FOCAD: variants seen among roughly 807,000 people sequenced by gnomAD.
FOCAD encodes KIAA1797.
In FOCAD, 198 loss-of-function variants were observed where a neutral mutation model predicts 225.6. The ratio of observed to expected loss-of-function variants is 0.88; its 90% CI spans 0.78 to 0.99. The LOEUF is 0.99. Ranked by LOEUF, FOCAD falls within the 50% of genes least tolerant of loss-of-function variation. The pLI is 0.00. For synonymous variants in FOCAD, 897 were observed against 755.0 expected (o/e 1.19, Z -3.08); for missense variants, 2,713 against 2,123.6 (o/e 1.28, Z -5.46).
In FOCAD at chr9:20,885,217, C is replaced by T. The variant is rs187654100; in HGVS notation, c.2612C>T (p.Ala871Val). Residue 871 changes from alanine to valine, a missense_variant, in exon 21 of 44, where the codon GCT becomes GTT. Physicochemically the swap from Ala to Val is moderately conservative, Grantham distance 64 (BLOSUM62 0). Transcript: ENST00000338382. ...RGRSFKQTSL[A>V]LVHEVHIQLS... ...CGAAGTTTCAAGCAGACTTCACTTG[C>T]TCTTGTACATGAGGTAGGTTCCCGT... 274 of 1,520,524 alleles carry T rather than the reference C, an allele frequency of 1.8e-4. 1 individual carries two copies. The highest frequency in any genetic ancestry group is 1.4e-3 in the Middle Eastern group (8 of 5,714). 94.2% of individuals were successfully genotyped at this position (1,520,524 alleles called of 1,614,324 possible). A position where few individuals can be genotyped will look rare whatever the true frequency, so the allele number is the denominator to read the frequency against.
At chr9:20,760,324 A>G (rs932615756) in intron 6 of FOCAD, among the ~76,000 whole-genome samples, 1 of 152,250 alleles carries the variant, frequency 6.6e-6, no homozygotes, top group African/African-American at 2.4e-5. Context: ...GAAAACAAAA[A>G]GGATTGGTTT....
chr9:20,765,453 A>G (rs1375781821), intron 7 of FOCAD, among the ~76,000 whole-genome samples: 1 of 151,822 alleles, frequency 6.6e-6, no homozygotes, highest in Non-Finnish European at 1.5e-5. Flanking sequence ...AAAAAAAAAG[A>G]TGTGTCTCAG....
chr9:20,756,047 T>G (rs1183556269), intron 5 of FOCAD, among the ~76,000 whole-genome samples: 8 of 152,174 alleles, frequency 5.3e-5, no homozygotes, highest in Non-Finnish European at 1.5e-5. Flanking sequence ...GCTTTTAGAA[T>G]TTGTAATATT....
At chr9:20,969,323 C>A (rs1839555743) in intron 35 of FOCAD, among the ~76,000 whole-genome samples, 1 of 151,848 alleles carries the variant, frequency 6.6e-6, no homozygotes, top group Non-Finnish European at 1.5e-5. Flanking sequence ...TCCTTTATAT[C>A]CTCATTAATC....
In FOCAD at chr9:20,848,713, C is replaced by T. The variant is rs536396040; in HGVS notation, c.1921-13865C>T. Among the ~76,000 whole-genome samples, 5 of 152,080 alleles carry T rather than the reference C, an allele frequency of 3.3e-5. No homozygotes were observed. The South Asian group carries it at 1.0e-3, about 32-fold the overall frequency. Reference sequence around the variant, plus strand: ...ATAATGAGAAAGGAATCATGCCGTACACATTCTTTTGCAACTTGTTTTTTT... The same window carrying T: ...ATAATGAGAAAGGAATCATGCCGTATACATTCTTTTGCAACTTGTTTTTTT... On this transcript the variant is annotated intron_variant, in intron 15 of 43. Transcript: ENST00000338382.
intron 5 of FOCAD, among the ~76,000 whole-genome samples, chr9:20,756,761 G>A (rs1339648654): frequency 6.6e-6 from 1 of 152,084 alleles, no homozygotes; most frequent in Non-Finnish European, 1.5e-5. Flanking sequence ...CACCATGAAG[G>A]CAATCTTAAA....
At chr9:20,870,519 T>C (rs1461652863) in intron 18 of FOCAD, among the ~76,000 whole-genome samples, 1 of 152,226 alleles carries the variant, frequency 6.6e-6, no homozygotes, top group African/African-American at 2.4e-5. Flanking sequence ...TTTATGATGG[T>C]GCAAAAGTGA....
intron 35 of FOCAD, among the ~76,000 whole-genome samples, chr9:20,958,553 C>T (rs1025919647): frequency 2.0e-5 from 3 of 151,994 alleles, no homozygotes; most frequent in Admixed American, 6.6e-5. Flanking sequence ...CATTCAATTC[C>T]TCCTCCTAGC....
chr9:20,731,285 A>C (rs930464033), intron 4 of FOCAD, among the ~76,000 whole-genome samples: 1 of 146,332 alleles, frequency 6.8e-6, no homozygotes, highest in Non-Finnish European at 1.5e-5. Context: ...ACAACAACAA[A>C]GTACTTCATT....
chr9:20,931,496 CAG>C (rs1835468031), intron 27 of FOCAD, among the ~76,000 whole-genome samples: 1 of 152,150 alleles, frequency 6.6e-6, no homozygotes, highest in South Asian at 2.1e-4. Flanking sequence ...ACAATGCTAA[CAG>C]AGAATTTCAT....
chr9:20,657,012 T>G (rs1264837858), upstream of FOCAD, among the ~76,000 whole-genome samples: 14 of 152,060 alleles, frequency 9.2e-5, no homozygotes, highest in South Asian at 4.1e-4. Flanking sequence ...GTCTGTAAAG[T>G]ATTTTGTTTC....
rs1355502973 is a variant in FOCAD at position 20,758,138 on chromosome 9, C to T, written c.441C>T (p.Cys147=). Residue 147 remains cysteine (C), a synonymous_variant, in exon 6 of 44, where the codon TGC becomes TGT. Transcript: ENST00000338382. ...CTGTGCTTGAACACAGACCTGATTGCTGGCCAGTGTTTTTGCAGCAGCTGA... is the reference window on the plus strand; with the variant it reads ...CTGTGCTTGAACACAGACCTGATTGTTGGCCAGTGTTTTTGCAGCAGCTGA... The part of the protein sequence containing the change: ...LITVLEHRPD[C]WPVFLQQLTA... The T allele has an allele frequency of 6.2e-7, 1 of 1,612,516 alleles. No individual in the cohort carries two copies. Among genetic ancestry groups the T allele is most frequent in the Middle Eastern group, 1.7e-4 (1 of 6,054 alleles).
chr9:20,656,885 T>C (rs7874384), upstream of FOCAD, among the ~76,000 whole-genome samples: 34,368 of 150,914 alleles, frequency 0.23, 4,234 homozygotes, highest in Non-Finnish European at 0.26. Flanking sequence ...ATGGTCTTTA[T>C]ATTTTGGCAT....
chr9:20,758,753 G>A (rs1375705339), intron 6 of FOCAD, among the ~76,000 whole-genome samples: 3 of 152,112 alleles, frequency 2.0e-5, no homozygotes, highest in African/African-American at 2.4e-5. Flanking sequence ...CATAGTGTTG[G>A]AAGTTCTGGC....
At chr9:20,961,329 A>G (rs1334938079) in intron 35 of FOCAD, among the ~76,000 whole-genome samples, 2 of 152,136 alleles carry the variant, frequency 1.3e-5, no homozygotes, top group African/African-American at 2.4e-5. Context: ...AATTTGACCA[A>G]TAAGAACCTC....
chr9:20,931,270 C>A (rs964421907), intron 27 of FOCAD, among the ~76,000 whole-genome samples: 2 of 152,156 alleles, frequency 1.3e-5, no homozygotes, highest in African/African-American at 4.8e-5. Flanking sequence ...CATCAGGAAG[C>A]TCCTTCCTTA....
intron 5 of FOCAD, among the ~76,000 whole-genome samples, chr9:20,756,737 C>T (rs1215442240): frequency 6.6e-6 from 1 of 152,158 alleles, no homozygotes; most frequent in African/African-American, 2.4e-5. Flanking sequence ...AGTAAGGCAT[C>T]ACATTTTGAG....
intron 20 of FOCAD, among the ~76,000 whole-genome samples, chr9:20,884,245 T>A (rs1238373165): frequency 2.0e-5 from 3 of 152,190 alleles, no homozygotes; most frequent in Non-Finnish European, 2.9e-5. Flanking sequence ...TAAATAATAT[T>A]TTACATGTGA....
intron 8 of FOCAD, among the ~76,000 whole-genome samples, chr9:20,778,069 G>A (rs1484661830): frequency 1.9e-5 from 2 of 107,186 alleles, no homozygotes; most frequent in Admixed American, 2.7e-4. Context: ...CCGCCTGGGC[G>A]ACAGAACGAG....
Sources: allele counts gnomAD v4.1 joint callset (sites outside exome capture counted in the v4.1 genomes callset), GRCh38; gene constraint gnomAD v4.1.1; transcripts MANE v1.5; gene names NCBI Gene and HGNC (gene_info 2026-07-23, HGNC 2026-07-21).